HECW1: variants seen among roughly 807,000 people sequenced by gnomAD.
The protein encoded by HECW1 is HECT, C2 and WW domain containing E3 ubiquitin protein ligase 1, also known as E3 ubiquitin-protein ligase HECW1.
HECW1 carries 61 observed loss-of-function variants against 182.3 expected under a neutral mutation model. The ratio of observed to expected loss-of-function variants is 0.33; its 90% CI spans 0.27 to 0.41. The LOEUF is 0.41. Among genes scored for constraint, HECW1 ranks in the 10% least tolerant of loss-of-function variants. HECW1 has a pLI of 1.00. For synonymous variants in HECW1, 859 were observed against 832.6 expected (o/e 1.03, Z -0.55); for missense variants, 1,739 against 2,108.9 (o/e 0.82, Z 3.44).
chr7:43,355,118 A>C (rs975537480), intron 5 of HECW1, among the ~76,000 whole-genome samples: 1 of 152,190 alleles, frequency 6.6e-6, no homozygotes, highest in Admixed American at 6.5e-5. Flanking sequence ...TTCCCAGAGA[A>C]ACAAAGGCTA....
chr7:43,420,456 T>C lies in HECW1; in HGVS notation c.801+12725T>C, dbSNP rs538368477. 2.0e-5 allele frequency among the ~76,000 whole-genome samples: 3 copies of C among 152,332 alleles called. No individual in the cohort carries two copies. The East Asian group carries it at 5.8e-4, about 29-fold the overall frequency. On this transcript the variant is annotated intron_variant, in intron 8 of 29. Coordinates refer to ENST00000395891, the MANE Select transcript of HECW1 (RefSeq NM_015052.5). ...TAGCCACTTCTGTTTAATATTGTGCTAGAGATTCTAGCCAGTGCAACAAGG... is the reference window on the plus strand; with the variant it reads ...TAGCCACTTCTGTTTAATATTGTGCCAGAGATTCTAGCCAGTGCAACAAGG...
intron 7 of HECW1, among the ~76,000 whole-genome samples, chr7:43,401,573 T>TTTTG (rs1554400162): frequency 2.0e-4 from 29 of 145,622 alleles, no homozygotes; most frequent in African/African-American, 7.3e-4. Context: ...AAAGGTTTTT[T>TTTTG]TTTTTTTTTT....
intron 8 of HECW1, among the ~76,000 whole-genome samples, chr7:43,435,303 A>G (rs1254868420): frequency 6.6e-6 from 1 of 152,186 alleles, no homozygotes; most frequent in African/African-American, 2.4e-5. Flanking sequence ...TAAGGACCTG[A>G]GACAATCAGC....
chr7:43,218,563 A>G (rs1297952290), intron 2 of HECW1, among the ~76,000 whole-genome samples: 3 of 152,214 alleles, frequency 2.0e-5, no homozygotes, highest in Admixed American at 2.0e-4. Context: ...TGTGACCAGC[A>G]GTATAGATCA....
At chr7:43,475,676 G>C (rs1404623414) in intron 16 of HECW1, among the ~76,000 whole-genome samples, 1 of 152,064 alleles carries the variant, frequency 6.6e-6, no homozygotes, top group Non-Finnish European at 1.5e-5. Flanking sequence ...TCAGTCTCCT[G>C]AGTAGCTGGG....
chr7:43,349,036 TTTTGTTTTG>T (rs1562870300), intron 5 of HECW1, among the ~76,000 whole-genome samples: 1 of 136,068 alleles, frequency 7.3e-6, no homozygotes, highest in African/African-American at 3.2e-5. Context: ...TTTTGTTTTG[TTTTGTTTTG>T]TTTTTTGAGA....
At chr7:43,483,134 A>G (rs977430046) in intron 17 of HECW1, among the ~76,000 whole-genome samples, 1 of 152,192 alleles carries the variant, frequency 6.6e-6, no homozygotes, top group Non-Finnish European at 1.5e-5. Context: ...TTAGTGCTGC[A>G]TGGAAGAGTT....
chr7:43,462,763 C>T (rs2077632454), intron 13 of HECW1, among the ~76,000 whole-genome samples: 1 of 152,228 alleles, frequency 6.6e-6, no homozygotes, highest in Admixed American at 6.5e-5. Flanking sequence ...CATCTCAGAG[C>T]TCCCCAAGGG....
At chr7:43,201,654 ATG>A (rs1183348746) in intron 2 of HECW1, among the ~76,000 whole-genome samples, 1 of 152,248 alleles carries the variant, frequency 6.6e-6, no homozygotes, top group African/African-American at 2.4e-5. Flanking sequence ...TTTTTCCTGC[ATG>A]AAGTCACCAA....
At chr7:43,307,917 T>TATAC (rs1554349738) in intron 3 of HECW1, among the ~76,000 whole-genome samples, 13 of 123,878 alleles carry the variant, frequency 1.0e-4, no homozygotes, top group African/African-American at 3.1e-4. Flanking sequence ...TATATATATA[T>TATAC]ACACACACAC....
chr7:43,268,933 C>A (rs1036143604), intron 3 of HECW1, among the ~76,000 whole-genome samples: 9 of 152,228 alleles, frequency 5.9e-5, no homozygotes, highest in Admixed American at 5.2e-4. Flanking sequence ...CGCCACCAAC[C>A]CTTGCTGATT....
intron 24 of HECW1, among the ~76,000 whole-genome samples, chr7:43,527,467 A>T (rs1368063601): frequency 1.3e-5 from 2 of 152,118 alleles, no homozygotes; most frequent in Non-Finnish European, 2.9e-5. Context: ...TCTGTCTCAC[A>T]TGGCCTTCTC....
intron 6 of HECW1, among the ~76,000 whole-genome samples, chr7:43,391,247 C>T (rs2075018424): frequency 6.6e-6 from 1 of 152,172 alleles, no homozygotes; most frequent in South Asian, 2.1e-4. Flanking sequence ...TATGTAAGTT[C>T]TGGAAAACTT....
intron 5 of HECW1, among the ~76,000 whole-genome samples, chr7:43,334,990 A>G (rs1233986667): frequency 6.6e-6 from 1 of 152,254 alleles, no homozygotes. Flanking sequence ...TCTATAACAC[A>G]GAACATAAAT....
At chr7:43,348,862 G>T (rs1446590964) in intron 5 of HECW1, among the ~76,000 whole-genome samples, 1 of 152,072 alleles carries the variant, frequency 6.6e-6, no homozygotes, top group Non-Finnish European at 1.5e-5. Flanking sequence ...ATTACACTGT[G>T]GTCTGAGAGA....
At chr7:43,218,311 A>G (rs1277274534) in intron 2 of HECW1, among the ~76,000 whole-genome samples, 1 of 152,222 alleles carries the variant, frequency 6.6e-6, no homozygotes, top group African/African-American at 2.4e-5. Context: ...CTGCAGCAGC[A>G]CTGGGTCACC....
chr7:43,122,377 G>A (rs1038629000), intron 2 of HECW1, among the ~76,000 whole-genome samples: 3 of 152,136 alleles, frequency 2.0e-5, no homozygotes, highest in Admixed American at 6.5e-5. Flanking sequence ...AATATCTGAG[G>A]AGCTTCCTTC....
rs1175373460 is a variant in HECW1 at position 43,282,770 on chromosome 7, T to C, written c.28-28993T>C. On this transcript the variant is annotated intron_variant, in intron 3 of 29. Transcript: ENST00000395891. Reference sequence around the variant, plus strand: ...CAACAGTCATCTAACTGACAATGTATAGAATCAATATTATGCTTCACAGCA... The same window carrying C: ...CAACAGTCATCTAACTGACAATGTACAGAATCAATATTATGCTTCACAGCA... 2.0e-5 allele frequency among the ~76,000 whole-genome samples: 3 copies of C among 152,166 alleles called. No individual in the cohort carries two copies. In the East Asian group the frequency reaches 5.8e-4, roughly 29 times the overall value.
intron 2 of HECW1, among the ~76,000 whole-genome samples, chr7:43,137,920 A>G (rs1787738856): frequency 6.6e-6 from 1 of 150,520 alleles, no homozygotes; most frequent in South Asian, 2.1e-4. Flanking sequence ...TCCAGATGTC[A>G]TATTATTCTG....
Sources: allele counts gnomAD v4.1 joint callset (sites outside exome capture counted in the v4.1 genomes callset), GRCh38; gene constraint gnomAD v4.1.1; transcripts MANE v1.5; gene names NCBI Gene and HGNC (gene_info 2026-07-23, HGNC 2026-07-21).